Variants in TLK1 observed in about 807,000 individuals in gnomAD.
TLK1 encodes the protein tousled like kinase 1.
A neutral mutation model predicts 105.3 loss-of-function variants in TLK1; 24 were observed. The observed-to-expected ratio is 0.23, with a 90% confidence interval of 0.17 to 0.32. The LOEUF is 0.32. Ranked by LOEUF, TLK1 falls within the 10% of genes least tolerant of loss-of-function variation. The probability of loss-of-function intolerance (pLI) is 1.00; values close to 1 mark genes in which losing one functional copy is unlikely to be tolerated. For synonymous variants in TLK1, 321 were observed against 310.4 expected (o/e 1.03, Z -0.36); for missense variants, 558 against 910.5 (o/e 0.61, Z 4.98).
intron 1 of TLK1, among the ~76,000 whole-genome samples, chr2:171,222,024 A>C (rs754522228): frequency 6.6e-6 from 1 of 152,210 alleles, no homozygotes; most frequent in Non-Finnish European, 1.5e-5. Context: ...GTCAGTCAGG[A>C]TTGTGTGACT....
chr2:171,183,147 A>G (rs1490930274), intron 1 of TLK1, among the ~76,000 whole-genome samples: 1 of 152,178 alleles, frequency 6.6e-6, no homozygotes, highest in Admixed American at 6.6e-5. Context: ...TTACATATAC[A>G]AAAAAGAATA....
At chr2:171,086,820 C>A (rs1689001585) in intron 2 of TLK1, among the ~76,000 whole-genome samples, 1 of 151,960 alleles carries the variant, frequency 6.6e-6, no homozygotes, top group African/African-American at 2.4e-5. Flanking sequence ...TTCAAGCTTC[C>A]AAAGAGGCTG....
chr2:171,080,361 A>C (rs893503708), intron 3 of TLK1, among the ~76,000 whole-genome samples: 1 of 151,876 alleles, frequency 6.6e-6, no homozygotes, highest in African/African-American at 2.4e-5. Flanking sequence ...GAGTACTAGG[A>C]AAAACAAAAG....
intron 1 of TLK1, among the ~76,000 whole-genome samples, chr2:171,188,530 C>T (rs1693079229): frequency 6.6e-6 from 1 of 152,028 alleles, no homozygotes; most frequent in South Asian, 2.1e-4. Context: ...ATAGTGAAAC[C>T]CTGTCTCTAC....
At chr2:171,152,128 C>T (rs757225969) in intron 1 of TLK1, among the ~76,000 whole-genome samples, 1 of 152,076 alleles carries the variant, frequency 6.6e-6, no homozygotes, top group Non-Finnish European at 1.5e-5. Flanking sequence ...GAATTTAAAC[C>T]TAGTAGTTTA....
rs1803496 is a variant in TLK1, at chr2:170,992,301, G to A, written c.*1479C>T. The A allele has an allele frequency of 1.3e-5, 2 of 152,138 alleles. No individual in the cohort carries two copies. Among genetic ancestry groups the A allele is most frequent in the Admixed American group, 6.5e-5 (1 of 15,268 alleles). The allele number at this position is 152,138 out of a possible 1,614,324, so 9.4% of individuals were successfully genotyped here. ...GCAACATCAGAAATACAGTTTAACT[G>A]TACAATATTAAAGAGAATCCGTGGT... is the stretch of plus-strand genomic sequence containing the variant. On this transcript the variant is annotated 3_prime_UTR_variant, in exon 21 of 21. Coordinates refer to ENST00000431350, the MANE Select transcript of TLK1 (RefSeq NM_012290.5).
At chr2:171,111,106 A>C (rs1379001424) in intron 2 of TLK1, among the ~76,000 whole-genome samples, 1 of 152,246 alleles carries the variant, frequency 6.6e-6, no homozygotes, top group African/African-American at 2.4e-5. Flanking sequence ...AAATTTGTTT[A>C]TTTGAAATAT....
At chr2:171,143,738 G>A in intron 1 of TLK1, among the ~76,000 whole-genome samples, 1 of 151,818 alleles carries the variant, frequency 6.6e-6, no homozygotes, top group African/African-American at 2.4e-5. Flanking sequence ...TGTTACACTG[G>A]GAAATACTCA....
At chr2:171,104,699 G>A (rs2105510300) in intron 2 of TLK1, among the ~76,000 whole-genome samples, 1 of 152,228 alleles carries the variant, frequency 6.6e-6, no homozygotes, top group South Asian at 2.1e-4. Flanking sequence ...TCAAACTCCT[G>A]GCCTCAAGTG....
At chr2:171,176,331 C>T (rs1012963320) in intron 1 of TLK1, among the ~76,000 whole-genome samples, 1 of 152,168 alleles carries the variant, frequency 6.6e-6, no homozygotes, top group Admixed American at 6.5e-5. Context: ...CATCTCTATG[C>T]AGATTAGTTC....
intron 12 of TLK1, among the ~76,000 whole-genome samples, chr2:171,024,688 C>T (rs1685691656): frequency 6.6e-6 from 1 of 152,134 alleles, no homozygotes; most frequent in Non-Finnish European, 1.5e-5. Context: ...CAAGTTTTGG[C>T]TTTGTCACTT....
At chr2:171,048,141 GT>G (rs1272557343) in intron 10 of TLK1, among the ~76,000 whole-genome samples, 5 of 152,082 alleles carry the variant, frequency 3.3e-5, no homozygotes, top group Admixed American at 6.5e-5. Context: ...TAGAGACAGG[GT>G]TTCACCCTGC....
chr2:171,004,859 GT>G (rs1684573576), intron 18 of TLK1, among the ~76,000 whole-genome samples: 1 of 152,124 alleles, frequency 6.6e-6, no homozygotes, highest in Non-Finnish European at 1.5e-5. Context: ...AGTTTGAATA[GT>G]TTTCTTAAAA....
intron 1 of TLK1, among the ~76,000 whole-genome samples, chr2:171,132,408 A>T (rs1691138310): frequency 6.6e-6 from 1 of 152,154 alleles, no homozygotes; most frequent in Non-Finnish European, 1.5e-5. Flanking sequence ...AAACCATATC[A>T]ACAGTAGTCA....
intron 3 of TLK1, among the ~76,000 whole-genome samples, chr2:171,067,366 T>A (rs1289581319): frequency 6.6e-6 from 1 of 151,878 alleles, no homozygotes; most frequent in Non-Finnish European, 1.5e-5. Context: ...TTTCTCCATG[T>A]TGGCCAGGAT....
At chr2:171,068,195 G>A (rs560923382) in intron 3 of TLK1, among the ~76,000 whole-genome samples, 15 of 152,208 alleles carry the variant, frequency 9.9e-5, no homozygotes, top group Admixed American at 2.6e-4. Context: ...CAGATCTGGT[G>A]GTGAGCACCT....
At chr2:171,119,633 T>G (rs115847582) in intron 1 of TLK1, among the ~76,000 whole-genome samples, 49 of 152,314 alleles carry the variant, frequency 3.2e-4, no homozygotes, top group Non-Finnish European at 5.6e-4. Context: ...GACATATATA[T>G]AGAGCAATGG....
Position 171,046,297 on chromosome 2 carries a change from C to T in TLK1, c.1046G>A (p.Arg349His), listed in dbSNP as rs1686959436. The change falls in exon 11 of 21, where the codon CGC (arginine) becomes CAC (histidine). Residue 349 changes from arginine (R) to histidine (H), a missense_variant. By Grantham distance (29) the Arg-to-His change is conservative. Around this residue, in one of 5 missense-constraint regions of TLK1, gnomAD observed 218 missense variants for 492.9 expected, o/e 0.44. Coordinates refer to ENST00000431350, the MANE Select transcript of TLK1 (RefSeq NM_012290.5). ...AGAATTATTAGCTGTGGGAGGTTTG[C>T]GTTTGGCTAGAAGTTTCCTTTGCCT... ...IERQRKLLAK[R>H]KPPTANNSQA... 3 of 1,613,204 alleles carry T rather than the reference C, an allele frequency of 1.9e-6. No individual in the cohort carries two copies. Among genetic ancestry groups the T allele is most frequent in the East Asian group, 4.5e-5 (2 of 44,842 alleles).
At position 170,993,684 on chromosome 2, in the gene TLK1, A is replaced by AAG. The variant is rs1371320522; in HGVS notation, c.*95_*96insCT. 5.1e-5 allele frequency: 51 copies of AAG among 993,364 alleles called. No individual in the cohort carries two copies. The highest frequency in any genetic ancestry group is 2.4e-4 in the African/African-American group (14 of 58,660). 61.5% of individuals were successfully genotyped at this position (993,364 alleles called of 1,614,324 possible). A position where few individuals can be genotyped will look rare whatever the true frequency, so the allele number is the denominator to read the frequency against. ...CGTCTTGTGTAAAAAAAAAAAAAAA[A>AAG]AAAAAAGAAAAAGAAAACAAACACT... is the stretch of plus-strand genomic sequence containing the variant. On this transcript the variant is annotated 3_prime_UTR_variant, in exon 21 of 21. Coordinates refer to ENST00000431350, the MANE Select transcript of TLK1 (RefSeq NM_012290.5).
Sources: gnomAD v4.1 joint callset for allele counts (sites outside exome capture counted in the v4.1 genomes callset) on GRCh38, gnomAD v4.1.1 for gene constraint, gnomAD v4.1.1 regional missense constraint, MANE v1.5 for transcripts, NCBI Gene and HGNC (gene_info 2026-07-23, HGNC 2026-07-21) for gene names.